Variants in CHCHD3 observed in about 807,000 individuals in gnomAD.
The protein encoded by CHCHD3 is MICOS complex subunit MIC19.
Under a neutral mutation model 38.2 loss-of-function variants are expected in CHCHD3, and 20 were observed. The ratio of observed to expected loss-of-function variants is 0.52; its 90% confidence interval spans 0.37 to 0.76. CHCHD3 has a LOEUF of 0.76. CHCHD3 is among the 30% of genes least tolerant of loss of function. The pLI is 0.00. For missense variants in CHCHD3, 245 were observed against 279.2 expected, an observed-to-expected ratio of 0.88 and a Z score of 0.87; for synonymous variants, 82 against 100.0, an observed-to-expected ratio of 0.82 and a Z score of 1.07.
At chr7:132,983,739 A>G (rs1811982474) in intron 3 of CHCHD3, among the ~76,000 whole-genome samples, 1 of 152,132 alleles carries the variant, frequency 6.6e-6, no homozygotes, top group African/African-American at 2.4e-5. Flanking sequence ...TCATGACATT[A>G]GAGGAAAAAA....
chr7:132,910,761 A>G (rs893057772), intron 4 of CHCHD3, among the ~76,000 whole-genome samples: 2 of 152,200 alleles, frequency 1.3e-5, no homozygotes, highest in African/African-American at 2.4e-5. Flanking sequence ...CAAGGATGTC[A>G]CTGCTCCTGA....
In CHCHD3 at chr7:133,043,664, G is replaced by C. The variant is rs556418259; in HGVS notation, c.170-19037C>G. 4.2e-4 allele frequency among the ~76,000 whole-genome samples: 63 copies of C among 150,880 alleles called. 1 individual carries two copies. The South Asian group carries it at 0.012, about 29-fold the overall frequency. On this transcript the variant is annotated intron_variant, in intron 2 of 7. Coordinates refer to ENST00000262570, the MANE Select transcript of CHCHD3 (RefSeq NM_017812.4). ...CCATCTCAAAAAAAAAAAAAAAATAGACAAAATTCCCTTTCATGCTCTACT... is the reference window on the plus strand; with the variant it reads ...CCATCTCAAAAAAAAAAAAAAAATACACAAAATTCCCTTTCATGCTCTACT...
At chr7:132,789,938 C>T (rs946103101) in intron 7 of CHCHD3, among the ~76,000 whole-genome samples, 1 of 151,986 alleles carries the variant, frequency 6.6e-6, no homozygotes, top group African/African-American at 2.4e-5. Context: ...ACTGGAGCTT[C>T]GATGAGGAAA....
At chr7:132,944,164 C>T (rs1488522355) in intron 4 of CHCHD3, among the ~76,000 whole-genome samples, 1 of 152,060 alleles carries the variant, frequency 6.6e-6, no homozygotes, top group Non-Finnish European at 1.5e-5. Context: ...AATCAATGTA[C>T]AATTCTCAAA....
intron 4 of CHCHD3, among the ~76,000 whole-genome samples, chr7:132,925,186 G>A (rs2117244749): frequency 6.6e-6 from 1 of 152,012 alleles, no homozygotes; most frequent in African/African-American, 2.4e-5. Context: ...AGAAATGGTA[G>A]AAGAAAAGGA....
intron 2 of CHCHD3, among the ~76,000 whole-genome samples, chr7:133,027,363 A>AGAGAGAGAGAGAGAGAGAGAGAGAGAG (rs1554402334): frequency 7.5e-6 from 1 of 133,792 alleles, no homozygotes; most frequent in Admixed American, 7.8e-5. Flanking sequence ...AATAAGTTGT[A>AGAGAGAGAGAGAGAGAGAGAGAGAGAG]AGAGAGAGAG....
At chr7:133,005,677 A>G (rs1812681122) in intron 3 of CHCHD3, among the ~76,000 whole-genome samples, 1 of 152,234 alleles carries the variant, frequency 6.6e-6, no homozygotes, top group Non-Finnish European at 1.5e-5. Flanking sequence ...CTTCAAAAAA[A>G]TGAAGGAATG....
chr7:132,809,693 T>C (rs763106483), intron 6 of CHCHD3, among the ~76,000 whole-genome samples: 1 of 152,210 alleles, frequency 6.6e-6, no homozygotes, highest in Admixed American at 6.5e-5. Context: ...TGCAAGGTTG[T>C]TTTCAAACAC....
chr7:132,838,924 C>A (rs1807866894), intron 5 of CHCHD3, among the ~76,000 whole-genome samples: 1 of 152,132 alleles, frequency 6.6e-6, no homozygotes, highest in Non-Finnish European at 1.5e-5. Flanking sequence ...GATGGTATGG[C>A]TCATGCCTAT....
intron 5 of CHCHD3, among the ~76,000 whole-genome samples, chr7:132,873,069 G>A (rs758520792): frequency 6.6e-6 from 1 of 152,032 alleles, no homozygotes; most frequent in Non-Finnish European, 1.5e-5. Flanking sequence ...CAGCCTGGGC[G>A]ACAGAGAGAG....
At chr7:132,863,422 C>T (rs1343129479) in intron 5 of CHCHD3, among the ~76,000 whole-genome samples, 2 of 152,200 alleles carry the variant, frequency 1.3e-5, no homozygotes, top group African/African-American at 2.4e-5. Context: ...TGTAAACAGA[C>T]GTGCTACCAT....
At chr7:132,943,938 G>C (rs1234199378) in intron 4 of CHCHD3, among the ~76,000 whole-genome samples, 1 of 151,944 alleles carries the variant, frequency 6.6e-6, no homozygotes, top group Non-Finnish European at 1.5e-5. Flanking sequence ...CTAATAAGTA[G>C]GCAAGTAATT....
At chr7:132,913,133 A>G (rs1216601807) in intron 4 of CHCHD3, among the ~76,000 whole-genome samples, 1 of 152,182 alleles carries the variant, frequency 6.6e-6, no homozygotes, top group African/African-American at 2.4e-5. Context: ...GAGAAAAAGA[A>G]TGTTGAGATT....
intron 2 of CHCHD3, among the ~76,000 whole-genome samples, chr7:133,030,926 T>C (rs766130340): frequency 2.6e-5 from 4 of 152,204 alleles, no homozygotes; most frequent in African/African-American, 9.6e-5. Context: ...ACTTGGATGA[T>C]TGAAAGCAGC....
At chr7:132,974,944 T>C (rs1811721790) in intron 4 of CHCHD3, among the ~76,000 whole-genome samples, 1 of 152,182 alleles carries the variant, frequency 6.6e-6, no homozygotes, top group African/African-American at 2.4e-5. Flanking sequence ...TGTACACATG[T>C]CTGCATGTTG....
chr7:132,945,396 T>C (rs919742505), intron 4 of CHCHD3, among the ~76,000 whole-genome samples: 1 of 152,018 alleles, frequency 6.6e-6, no homozygotes, highest in Non-Finnish European at 1.5e-5. Flanking sequence ...GGATGAGATT[T>C]CTTTAATATT....
At chr7:132,823,070 A>G (rs1413615131) in intron 6 of CHCHD3, among the ~76,000 whole-genome samples, 1 of 152,254 alleles carries the variant, frequency 6.6e-6, no homozygotes, top group Non-Finnish European at 1.5e-5. Context: ...TATGTTTATT[A>G]ACATATCTAC....
At chr7:132,900,376 C>T (rs577556113) in intron 4 of CHCHD3, among the ~76,000 whole-genome samples, 45 of 152,300 alleles carry the variant, frequency 3.0e-4, no homozygotes, top group African/African-American at 1.1e-3. Flanking sequence ...GCTCCACTTA[C>T]TCCACAAGAA....
intron 6 of CHCHD3, among the ~76,000 whole-genome samples, chr7:132,804,059 A>G (rs1365512857): frequency 1.3e-5 from 2 of 152,028 alleles, no homozygotes; most frequent in Non-Finnish European, 2.9e-5. Context: ...AGATAACTGG[A>G]AATAGCCAAC....
Sources: gnomAD v4.1 joint callset for allele counts (sites outside exome capture counted in the v4.1 genomes callset) on GRCh38, gnomAD v4.1.1 for gene constraint, MANE v1.5 for transcripts, NCBI Gene and HGNC (gene_info 2026-07-23, HGNC 2026-07-21) for gene names.